Variants in COLEC12 observed in about 807,000 individuals in gnomAD.
The protein encoded by COLEC12 is collectin subfamily member 12.
In COLEC12, 33 loss-of-function variants were observed where a neutral mutation model predicts 71.1. The observed-to-expected ratio is 0.46, with a 90% CI of 0.35 to 0.62. COLEC12 has a LOEUF of 0.62. Ranked by LOEUF, COLEC12 falls within the 20% of genes least tolerant of loss-of-function variation. COLEC12 has a pLI of 0.00. For synonymous variants in COLEC12, 350 were observed against 353.0 expected (o/e 0.99, Z 0.10); for missense variants, 765 against 916.1 (o/e 0.84, Z 2.13).
rs571034031 is a variant in COLEC12, at chr18:340,366, C to A, written c.1328-5136G>T. Among the ~76,000 whole-genome samples the A allele has an allele frequency of 7.9e-5, 12 of 152,284 alleles. No homozygotes were observed. The East Asian group carries it at 1.7e-3, about 22-fold the overall frequency. On this transcript the variant is annotated intron_variant, in intron 5 of 9. Transcript: ENST00000400256. ...ATATGAACAATACCAGAGCTCCAAG[C>A]AGCCCGGGGTTTGTGCTGTCAGTGA...
At chr18:458,894 G>T (rs1191216510) in intron 2 of COLEC12, among the ~76,000 whole-genome samples, 1 of 152,220 alleles carries the variant, frequency 6.6e-6, no homozygotes, top group Non-Finnish European at 1.5e-5. Flanking sequence ...GAGTGCAGTG[G>T]CACGATCATG....
intron 2 of COLEC12, among the ~76,000 whole-genome samples, chr18:416,874 G>A (rs2143646109): frequency 6.6e-6 from 1 of 150,766 alleles, no homozygotes; most frequent in East Asian, 1.9e-4. Context: ...GGTGGGGGGT[G>A]GGGGCGGAGG....
chr18:449,627 C>T (rs931901622), intron 2 of COLEC12, among the ~76,000 whole-genome samples: 1 of 152,236 alleles, frequency 6.6e-6, no homozygotes, highest in African/African-American at 2.4e-5. Flanking sequence ...GGATGCCTAG[C>T]CAGCTGACAG....
Position 467,919 on chromosome 18 carries a change from C to G in COLEC12, c.58+12788G>C, listed in dbSNP as rs1446732739. 3.3e-5 allele frequency among the ~76,000 whole-genome samples: 5 copies of G among 152,098 alleles called. 1 individual carries two copies. The highest frequency in any genetic ancestry group is 1.2e-4 in the African/African-American group (5 of 41,430). ...GGAAGATAGATCCATAATAAAGATA[C>G]AAAATATTTATTTTGAATTGTTGGA... On this transcript the variant is annotated intron_variant, in intron 2 of 9. Coordinates refer to ENST00000400256, the MANE Select transcript of COLEC12 (RefSeq NM_130386.3).
chr18:483,399 C>CAAA (rs71174236), intron 1 of COLEC12, among the ~76,000 whole-genome samples: 5 of 81,378 alleles, frequency 6.1e-5, no homozygotes, highest in African/African-American at 1.4e-4. Context: ...GACTCCGTCT[C>CAAA]AAAAAAAAAA....
chr18:446,154 T>C (rs1916644734), intron 2 of COLEC12, among the ~76,000 whole-genome samples: 3 of 152,338 alleles, frequency 2.0e-5, no homozygotes, highest in South Asian at 4.1e-4. Context: ...GACATTTGGG[T>C]TGCTTTCACT....
chr18:468,405 G>C (rs1283232953), intron 2 of COLEC12, among the ~76,000 whole-genome samples: 1 of 152,048 alleles, frequency 6.6e-6, no homozygotes, highest in Non-Finnish European at 1.5e-5. Flanking sequence ...TTGCAGAAGG[G>C]CTTATTTGAG....
intron 3 of COLEC12, among the ~76,000 whole-genome samples, chr18:350,176 G>T (rs1258801601): frequency 1.3e-5 from 2 of 152,184 alleles, no homozygotes; most frequent in African/African-American, 2.4e-5. Context: ...TTGTGGGAAG[G>T]ACCCAGTGGG....
At chr18:415,121 G>A (rs1230129506) in intron 2 of COLEC12, among the ~76,000 whole-genome samples, 1 of 152,200 alleles carries the variant, frequency 6.6e-6, no homozygotes, top group Non-Finnish European at 1.5e-5. Context: ...GGAGAGCCAA[G>A]GCAATGGCAA....
intron 2 of COLEC12, among the ~76,000 whole-genome samples, chr18:444,009 C>T (rs929722173): frequency 2.6e-5 from 4 of 152,104 alleles, no homozygotes; most frequent in African/African-American, 4.8e-5. Context: ...CTCCAGGAGC[C>T]GAGTGTTGTC....
chr18:379,910 A>G (rs559476829), intron 2 of COLEC12, among the ~76,000 whole-genome samples: 2 of 152,290 alleles, frequency 1.3e-5, no homozygotes, highest in African/African-American at 4.8e-5. Context: ...CAGCACAAAA[A>G]CCACAAAGGA....
intron 8 of COLEC12, among the ~76,000 whole-genome samples, chr18:323,814 C>A (rs1913771569): frequency 6.6e-6 from 1 of 152,128 alleles, no homozygotes; most frequent in African/African-American, 2.4e-5. Context: ...AATATGACTT[C>A]TTTGGGCTTA....
At chr18:347,751 C>A (rs1277430715) in intron 4 of COLEC12, among the ~76,000 whole-genome samples, 1 of 151,962 alleles carries the variant, frequency 6.6e-6, no homozygotes, top group East Asian at 1.9e-4. Flanking sequence ...TAAAGTATTT[C>A]AAAAATGCTC....
At chr18:409,363 G>A (rs1013359470) in intron 2 of COLEC12, among the ~76,000 whole-genome samples, 4 of 152,150 alleles carry the variant, frequency 2.6e-5, no homozygotes, top group South Asian at 2.1e-4. Flanking sequence ...GCAAAACCCC[G>A]TCTCTACTAA....
At chr18:421,857 G>A (rs971775671) in intron 2 of COLEC12, among the ~76,000 whole-genome samples, 2 of 152,202 alleles carry the variant, frequency 1.3e-5, no homozygotes, top group Non-Finnish European at 2.9e-5. Context: ...CCAAGAGTGA[G>A]TTTTATGCAT....
At chr18:369,397 A>AT (rs1167052555) in intron 2 of COLEC12, among the ~76,000 whole-genome samples, 1,012 of 99,314 alleles carry the variant, frequency 0.01, 24 homozygotes, top group African/African-American at 0.032. Flanking sequence ...TTTTTTTTTT[A>AT]TTTTTTTTTA....
At chr18:461,577 G>A (rs1324078935) in intron 2 of COLEC12, among the ~76,000 whole-genome samples, 1 of 152,100 alleles carries the variant, frequency 6.6e-6, no homozygotes, top group Non-Finnish European at 1.5e-5. Context: ...TAATTGAGAT[G>A]GGATTTCACT....
At chr18:468,280 C>G (rs73944751) in intron 2 of COLEC12, among the ~76,000 whole-genome samples, 2,782 of 133,564 alleles carry the variant, frequency 0.021, 69 homozygotes, top group African/African-American at 0.071. Flanking sequence ...AAAAAAAAAT[C>G]AAATGCAGTA....
chr18:404,109 G>A (rs764451907), intron 2 of COLEC12, among the ~76,000 whole-genome samples: 6 of 152,220 alleles, frequency 3.9e-5, no homozygotes, highest in Admixed American at 6.5e-5. Context: ...GCCGATGTGC[G>A]AGTATAATAT....
Sources: allele counts gnomAD v4.1 joint callset (sites outside exome capture counted in the v4.1 genomes callset), GRCh38; gene constraint gnomAD v4.1.1; transcripts MANE v1.5; gene names NCBI Gene and HGNC (gene_info 2026-07-23, HGNC 2026-07-21).